The following PHF3 variants were observed in gnomAD, a reference collection of about 807,000 sequenced individuals.
The protein encoded by PHF3 is PHD finger protein 3.
A neutral mutation model predicts 178.4 loss-of-function variants in PHF3; 41 were observed. The observed-to-expected ratio is 0.23, with a 90% confidence interval of 0.18 to 0.30. The LOEUF is 0.30. Among genes scored for constraint, PHF3 ranks in the 10% least tolerant of loss-of-function variants. PHF3 has a pLI of 1.00. For synonymous variants in PHF3, 842 were observed against 800.5 expected (o/e 1.05, Z -0.88); for missense variants, 2,346 against 2,398.1 (o/e 0.98, Z 0.45).
chr6:63,721,898 A>T lies in PHF3; in HGVS notation c.*8190A>T, dbSNP rs1768412072. 9.2e-7 allele frequency: 1 copy of T among 1,086,930 alleles called. No individual in the cohort carries two copies. The highest frequency in any genetic ancestry group is 1.6e-5 in the African/African-American group (1 of 62,604). 67.3% of individuals were successfully genotyped at this position (1,086,930 alleles called of 1,614,324 possible). On this transcript the variant is annotated 3_prime_UTR_variant, in exon 16 of 16. Coordinates refer to ENST00000262043, the MANE Select transcript of PHF3 (RefSeq NM_001370348.2). ...AGTTGGATAAGTTTTAGTTATGGGG[A>T]AAAAAGTAACAGATCTTGAGCACAA...
intron 2 of PHF3, among the ~76,000 whole-genome samples, chr6:63,666,042 TTAGG>T (rs1330187134): frequency 1.3e-5 from 2 of 152,164 alleles, no homozygotes; most frequent in African/African-American, 2.4e-5. Flanking sequence ...TTTTTAAAAT[TTAGG>T]TAGCAGTTAA....
intron 6 of PHF3, among the ~76,000 whole-genome samples, chr6:63,696,767 ATT>A (rs1767245928): frequency 6.6e-6 from 1 of 152,172 alleles, no homozygotes. Context: ...CTGTCTGGAC[ATT>A]TAGTAAGATT....
At chr6:63,708,225 TA>T (rs1271267437) in intron 13 of PHF3, among the ~76,000 whole-genome samples, 1 of 152,186 alleles carries the variant, frequency 6.6e-6, no homozygotes, top group African/African-American at 2.4e-5. Flanking sequence ...GTTTGCTTGA[TA>T]TTTTAAAAAT....
chr6:63,665,783 C>T (rs1467710944), intron 2 of PHF3, among the ~76,000 whole-genome samples: 1 of 152,120 alleles, frequency 6.6e-6, no homozygotes, highest in African/African-American at 2.4e-5. Flanking sequence ...GCTGCTGCAC[C>T]TGGCCTAAAA....
rs1678409210 is a variant in PHF3, at chr6:63,720,706, C to T, written c.*6998C>T. Reference sequence around the variant, plus strand: ...AATACAACATCTTTAATTTTGCCAACAAAATTGGTTTTAAAAATCTCTTGA... The same window carrying T: ...AATACAACATCTTTAATTTTGCCAATAAAATTGGTTTTAAAAATCTCTTGA... On this transcript the variant is annotated 3_prime_UTR_variant, in exon 16 of 16. Transcript: ENST00000262043. The T allele has an allele frequency of 1.9e-6, 3 of 1,548,322 alleles. No homozygotes were observed. Among genetic ancestry groups the T allele is most frequent in the African/African-American group, 1.4e-5 (1 of 72,860 alleles).
rs201392787 is a variant in PHF3 at position 63,684,688 on chromosome 6, A to C, written c.966A>C (p.Ser322=). ...MIATRKVEQD[S]KETVKLSHED... ...CAACAAGAAAAGTTGAACAAGATTC[A>C]AAGGAGACAGTAAAATTATCCCATG... Residue 322 remains serine, a synonymous_variant, in exon 4 of 16, where the codon TCA becomes TCC. Coordinates refer to ENST00000262043, the MANE Select transcript of PHF3 (RefSeq NM_001370348.2). The C allele has an allele frequency of 2.4e-5, 38 of 1,613,862 alleles. No homozygotes were observed. The highest frequency in any genetic ancestry group is 2.5e-5 in the Non-Finnish European group (30 of 1,179,878).
At chr6:63,691,590 G>C in intron 4 of PHF3, 147 bp from the exon 5 acceptor site, 1 of 639,096 alleles carries the variant, frequency 1.6e-6, no homozygotes, top group Non-Finnish European at 2.7e-6. Context: ...AAAACTTGCT[G>C]TATGTTGAAC....
In PHF3 at chr6:63,725,815, T is replaced by C. The variant is rs978777057; in HGVS notation, c.*12107T>C. On this transcript the variant is annotated 3_prime_UTR_variant, in exon 16 of 16. Transcript: ENST00000262043. ...ATGATGTGAAATTTAGCAAATGTAA[T>C]TATTTCTCAATATCAAAATTGTTTC... Among the ~76,000 whole-genome samples, 45 of 152,230 alleles carry C rather than the reference T, an allele frequency of 3.0e-4. No homozygotes were observed. The highest frequency in any genetic ancestry group is 1.0e-3 in the African/African-American group (43 of 41,564).
chr6:63,668,917 A>G (rs1310846805), intron 2 of PHF3, among the ~76,000 whole-genome samples: 1 of 152,216 alleles, frequency 6.6e-6, no homozygotes. Flanking sequence ...AATTACAATC[A>G]ATTTCAGTAT....
chr6:63,642,598 T>A (rs1252288965), intron 1 of PHF3, among the ~76,000 whole-genome samples: 2 of 152,358 alleles, frequency 1.3e-5, no homozygotes, highest in Non-Finnish European at 2.9e-5. Flanking sequence ...AACATGTATA[T>A]TCCCAAATTA....
intron 2 of PHF3, 89 bp downstream of exon 2, chr6:63,646,884 C>CTTTTTTTCT (rs1764812562): frequency 3.4e-6 from 2 of 596,552 alleles, no homozygotes; most frequent in Non-Finnish European, 4.2e-6. Flanking sequence ...TTCTTTTTTT[C>CTTTTTTTCT]TTTTTTTTTT....
intron 2 of PHF3, among the ~76,000 whole-genome samples, chr6:63,659,504 G>A (rs944748987): frequency 2.7e-4 from 41 of 152,272 alleles, no homozygotes; most frequent in Middle Eastern, 3.4e-3. Context: ...TAGTTAAAAT[G>A]TGTGGATGTT....
At chr6:63,648,601 TTTG>T (rs2149541957) in intron 2 of PHF3, among the ~76,000 whole-genome samples, 2 of 152,322 alleles carry the variant, frequency 1.3e-5, no homozygotes, top group East Asian at 1.9e-4. Context: ...TCTCTTCAGT[TTTG>T]TTGTACATTT....
Position 63,680,234 on chromosome 6 carries a change from G to C in PHF3, c.406+73G>C, listed in dbSNP as rs1488207903. 7 of 1,233,908 alleles carry C rather than the reference G, an allele frequency of 5.7e-6. No homozygotes were observed. The African/African-American group carries it at 9.1e-5, about 16-fold the overall frequency. The allele number at this position is 1,233,908 out of a possible 1,614,324, so 76.4% of individuals were successfully genotyped here. On this transcript the variant is annotated intron_variant, in intron 3 of 15. Transcript: ENST00000262043. ...AGATGTGTTAGGTTATAAACCTGCT[G>C]AGCAGAAATCATATTTTCTTGATGT...
At chr6:63,640,667 C>A (rs1025781627) in intron 1 of PHF3, among the ~76,000 whole-genome samples, 8 of 151,924 alleles carry the variant, frequency 5.3e-5, no homozygotes, top group African/African-American at 1.5e-4. Flanking sequence ...CAAACAAAAC[C>A]AAACAACTTT....
chr6:63,668,901 G>A (rs958064757), intron 2 of PHF3, among the ~76,000 whole-genome samples: 7 of 151,934 alleles, frequency 4.6e-5, no homozygotes, highest in Admixed American at 1.3e-4. Flanking sequence ...CCTCTGTTAC[G>A]TGTATAATTA....
Position 63,706,169 on chromosome 6 carries a change from T to A in PHF3, c.3508T>A (p.Phe1170Ile). Residue 1170 changes from phenylalanine (F) to isoleucine (I), a missense_variant, in exon 12 of 16, where the codon TTC becomes ATC. Transcript: ENST00000262043. The stretch of plus-strand genomic sequence containing the variant: ...AACCTCAAATATTTTGGCTTCTGAA[T>A]TCTTTGAGGAGGAGAAACAGGAGTC... ...SSTSNILASE[F>I]FEEEKQESPK... is the part of the protein sequence containing the mutation. 6.2e-7 allele frequency: 1 copy of A among 1,614,028 alleles called. No individual in the cohort carries two copies. Among genetic ancestry groups the A allele is most frequent in the South Asian group, 1.1e-5 (1 of 91,078 alleles).
chr6:63,637,212 C>A (rs1204451386), intron 1 of PHF3, among the ~76,000 whole-genome samples: 1 of 152,060 alleles, frequency 6.6e-6, no homozygotes, highest in East Asian at 1.9e-4. Context: ...ATTTAAAAAC[C>A]AATGCAGTAA....
At chr6:63,653,190 T>G (rs545744529) in intron 2 of PHF3, among the ~76,000 whole-genome samples, 37 of 151,414 alleles carry the variant, frequency 2.4e-4, no homozygotes, top group African/African-American at 8.5e-4. Flanking sequence ...TTGTTTTTTT[T>G]GTGTGGTTTT....
Sources: allele counts gnomAD v4.1 joint callset (sites outside exome capture counted in the v4.1 genomes callset), GRCh38; gene constraint gnomAD v4.1.1; transcripts MANE v1.5; gene names NCBI Gene and HGNC (gene_info 2026-07-23, HGNC 2026-07-21).